The following CADM1 variants were observed in gnomAD, a reference collection of about 807,000 sequenced individuals.
The protein encoded by CADM1 is TSLC-1.
In CADM1, 15 loss-of-function variants were observed where a neutral mutation model predicts 53.1. The ratio of observed to expected loss-of-function variants is 0.28; its 90% CI spans 0.19 to 0.44. The LOEUF (loss-of-function observed/expected upper bound fraction) is 0.44. Among genes scored for constraint, CADM1 ranks in the 20% least tolerant of loss-of-function variants. The pLI is 1.00. For missense variants in CADM1, 434 were observed against 611.3 expected (o/e 0.71, Z 3.06); for synonymous variants, 281 against 243.0 (o/e 1.16, Z -1.45).
intron 11 of CADM1, 136 bp downstream of exon 11, chr11:115,178,504 TTCTC>T (rs1233240160): frequency 7.1e-6 from 5 of 708,330 alleles, no homozygotes; most frequent in Non-Finnish European, 1.2e-5. Context: ...TTTTTTTCTC[TTCTC>T]TCTCTTCCAG....
chr11:115,472,384 A>G (rs1011767849), intron 1 of CADM1, among the ~76,000 whole-genome samples: 3 of 152,218 alleles, frequency 2.0e-5, no homozygotes, highest in African/African-American at 4.8e-5. Context: ...AAGAGCATAT[A>G]TTAGAACAGA....
At chr11:115,241,738 G>C (rs1308188892) in intron 1 of CADM1, among the ~76,000 whole-genome samples, 1 of 152,100 alleles carries the variant, frequency 6.6e-6, no homozygotes, top group East Asian at 1.9e-4. Context: ...TTATGCATTG[G>C]GAGTAGTGTG....
At chr11:115,258,193 CCT>C (rs1170495713) in intron 1 of CADM1, among the ~76,000 whole-genome samples, 7 of 152,120 alleles carry the variant, frequency 4.6e-5, no homozygotes, top group South Asian at 2.1e-4. Flanking sequence ...TAAACGACCC[CCT>C]GACTTTATCC....
At chr11:115,372,804 A>G (rs913089399) in intron 1 of CADM1, among the ~76,000 whole-genome samples, 1 of 152,202 alleles carries the variant, frequency 6.6e-6, no homozygotes, top group Non-Finnish European at 1.5e-5. Context: ...TAGAACTCTG[A>G]ATGCAGAAAC....
chr11:115,245,667 G>A (rs774841776), intron 1 of CADM1, among the ~76,000 whole-genome samples: 3 of 152,246 alleles, frequency 2.0e-5, no homozygotes, highest in Non-Finnish European at 2.9e-5. Flanking sequence ...AGTTGAGTAC[G>A]TTCAGGAAAA....
chr11:115,254,144 C>T (rs2134986383), intron 1 of CADM1, among the ~76,000 whole-genome samples: 1 of 152,302 alleles, frequency 6.6e-6, no homozygotes, highest in Admixed American at 6.5e-5. Context: ...AGAGCAGTCA[C>T]ACTATCTTAA....
At chr11:115,465,025 G>A (rs1177421969) in intron 1 of CADM1, among the ~76,000 whole-genome samples, 1 of 152,168 alleles carries the variant, frequency 6.6e-6, no homozygotes, top group African/African-American at 2.4e-5. Flanking sequence ...TACACAACCT[G>A]TACAACCACT....
chr11:115,179,411 GTTT>G (rs45516396), intron 10 of CADM1, among the ~76,000 whole-genome samples: 62,169 of 151,466 alleles, frequency 0.41, 13,681 homozygotes, highest in Non-Finnish European at 0.5. Flanking sequence ...GCCACCAACG[GTTT>G]TTATTTTATT....
intron 1 of CADM1, among the ~76,000 whole-genome samples, chr11:115,490,714 T>C (rs2135426635): frequency 6.6e-6 from 1 of 152,294 alleles, no homozygotes; most frequent in African/African-American, 2.4e-5. Flanking sequence ...GATGTGAAGT[T>C]CAGTTTTAGA....
At chr11:115,344,490 C>T (rs1157878944) in intron 1 of CADM1, among the ~76,000 whole-genome samples, 1 of 151,966 alleles carries the variant, frequency 6.6e-6, no homozygotes, top group Non-Finnish European at 1.5e-5. Flanking sequence ...AAAAGGTGTC[C>T]CCCTTCTCCA....
At chr11:115,194,679 A>AAG (rs1178282689) in intron 9 of CADM1, among the ~76,000 whole-genome samples, 3 of 152,234 alleles carry the variant, frequency 2.0e-5, no homozygotes, top group Non-Finnish European at 2.9e-5. Context: ...CACAGAGAGA[A>AAG]AGAGAGAGAG....
At chr11:115,223,247 C>A (rs192408977) in intron 5 of CADM1, among the ~76,000 whole-genome samples, 1 of 152,118 alleles carries the variant, frequency 6.6e-6, no homozygotes, top group African/African-American at 2.4e-5. Flanking sequence ...GAGGTTCAGC[C>A]CAGGTGTTCT....
intron 1 of CADM1, among the ~76,000 whole-genome samples, chr11:115,502,402 G>C (rs1185060038): frequency 3.2e-5 from 4 of 126,886 alleles, no homozygotes; most frequent in Non-Finnish European, 6.2e-5. Flanking sequence ...GCCAGTTACC[G>C]AGCCTTTACT....
At chr11:115,423,039 T>C (rs952079228) in intron 1 of CADM1, among the ~76,000 whole-genome samples, 6 of 152,204 alleles carry the variant, frequency 3.9e-5, no homozygotes, top group African/African-American at 1.4e-4. Flanking sequence ...TGTTTTTTTT[T>C]TTAATGTTTG....
At chr11:115,404,894 A>G (rs1342739509) in intron 1 of CADM1, among the ~76,000 whole-genome samples, 1 of 152,006 alleles carries the variant, frequency 6.6e-6, no homozygotes, top group Non-Finnish European at 1.5e-5. Flanking sequence ...ATAGAAAAAC[A>G]GCAAAGGATT....
chr11:115,252,213 G>A lies in CADM1; in HGVS notation c.125-11793C>T, dbSNP rs1377503446. Among the ~76,000 whole-genome samples the A allele has an allele frequency of 2.6e-5, 4 of 152,308 alleles. No individual in the cohort carries two copies. The East Asian group carries it at 7.7e-4, about 29-fold the overall frequency. ...TCTGAATGTTTCTATATTTTAAAAT[G>A]GATAAATGTTATCTCTCCAAAAGGA... is the stretch of plus-strand genomic sequence containing the variant. On this transcript the variant is annotated intron_variant, in intron 1 of 11. Coordinates refer to ENST00000331581, the MANE Select transcript of CADM1 (RefSeq NM_001301043.2).
chr11:115,307,021 A>G (rs1202299127), intron 1 of CADM1, among the ~76,000 whole-genome samples: 2 of 151,998 alleles, frequency 1.3e-5, no homozygotes, highest in Non-Finnish European at 2.9e-5. Context: ...TGATGTAGTC[A>G]GAATGTCAAA....
chr11:115,319,918 TTATC>T lies in CADM1; in HGVS notation c.125-79502_125-79499del, dbSNP rs1944776437. 2.6e-5 allele frequency among the ~76,000 whole-genome samples: 4 copies of T among 152,294 alleles called. No individual in the cohort carries two copies. The South Asian group carries it at 8.3e-4, about 32-fold the overall frequency. On this transcript the variant is annotated intron_variant, in intron 1 of 11. Transcript: ENST00000331581. ...AACCCTAAAATTATCAAACATAATT[TTATC>T]TTCCTGTTGGGGCCTTATTTGGAGA...
intron 1 of CADM1, among the ~76,000 whole-genome samples, chr11:115,290,508 C>T (rs1468483270): frequency 6.6e-6 from 1 of 152,052 alleles, no homozygotes; most frequent in African/African-American, 2.4e-5. Context: ...AACCTGTACA[C>T]AGGAAAAGAA....
Sources: gnomAD v4.1 joint callset for allele counts (sites outside exome capture counted in the v4.1 genomes callset) on GRCh38, gnomAD v4.1.1 for gene constraint, MANE v1.5 for transcripts, NCBI Gene and HGNC (gene_info 2026-07-23, HGNC 2026-07-21) for gene names.